Variants in MEGF6 observed in about 807,000 individuals in gnomAD.
MEGF6 encodes the protein multiple epidermal growth factor-like domains protein 6.
Under a neutral mutation model 207.1 loss-of-function variants are expected in MEGF6, and 184 were observed. The observed-to-expected ratio is 0.89, with a 90% CI of 0.79 to 1.00. MEGF6 has a LOEUF of 1.00. Ranked by LOEUF, MEGF6 falls within the 50% of genes least tolerant of loss-of-function variation. The pLI is 0.00. For missense variants in MEGF6, 2,282 were observed against 2,202.9 expected (o/e 1.04, Z -0.72); for synonymous variants, 1,038 against 910.0 (o/e 1.14, Z -2.53).
intron 4 of MEGF6, among the ~76,000 whole-genome samples, chr1:3,536,805 T>C (rs1247879413): frequency 6.6e-6 from 1 of 152,182 alleles, no homozygotes; most frequent in Non-Finnish European, 1.5e-5. Flanking sequence ...CCCCCAAATG[T>C]CACTGCTCCC....
At chr1:3,567,196 C>A (rs147188801) in intron 4 of MEGF6, among the ~76,000 whole-genome samples, 1 of 152,198 alleles carries the variant, frequency 6.6e-6, no homozygotes, top group Non-Finnish European at 1.5e-5. Flanking sequence ...CCGGGCCACA[C>A]GGCGAAGACA....
chr1:3,592,826 CA>C (rs148310063), intron 3 of MEGF6, among the ~76,000 whole-genome samples: 2,517 of 152,338 alleles, frequency 0.017, 61 homozygotes, highest in South Asian at 0.091. Flanking sequence ...TACAAACAAG[CA>C]AATCTTGCGC....
Position 3,490,932 on chromosome 1 carries a change from G to C in MEGF6, c.4544C>G (p.Pro1515Arg). 9 of 1,600,722 alleles carry C rather than the reference G, an allele frequency of 5.6e-6. No individual in the cohort carries two copies. The highest frequency in any genetic ancestry group is 7.7e-6 in the Non-Finnish European group (9 of 1,175,288). The change falls in exon 36 of 37, where the codon CCG becomes CGG. Residue 1515 changes from proline (P) to arginine (R), a missense_variant. Transcript: ENST00000356575. ...EGGPLRLPEN[P>R]SLAQGSAGTL... The stretch of plus-strand genomic sequence containing the variant: ...CTTACCTGAGCCCTGGGCTAAGGAC[G>C]GGTTCTCGGGGAGCCGGAGGGGCCC...
intron 3 of MEGF6, among the ~76,000 whole-genome samples, chr1:3,581,680 C>A (rs1043769717): frequency 1.3e-5 from 2 of 152,182 alleles, no homozygotes; most frequent in Admixed American, 1.3e-4. Flanking sequence ...AGACCAATCA[C>A]CCCCGGGTGG....
At chr1:3,579,972 G>A (rs767538599) in intron 3 of MEGF6, 43 bp from the exon 4 acceptor site, 17 of 1,400,000 alleles carry the variant, frequency 1.2e-5, no homozygotes, top group Middle Eastern at 1.9e-4. Flanking sequence ...GCAAGGAGGG[G>A]TGAGGCAGGG....
At position 3,560,557 on chromosome 1, in the gene MEGF6, C is replaced by T; in HGVS notation, c.481+19268G>A. 1 of 349,814 alleles carries T rather than the reference C, an allele frequency of 2.9e-6. No homozygotes were observed. Among genetic ancestry groups the T allele is most frequent in the South Asian group, 2.2e-5 (1 of 45,182 alleles). 21.7% of individuals were successfully genotyped at this position (349,814 alleles called of 1,614,324 possible). Reference sequence around the variant, plus strand: ...GCCTTGGACTGCTGTCCTCACTCAGCAACTTGCATTGAGGGGCTGAGAGGC... The same window carrying T: ...GCCTTGGACTGCTGTCCTCACTCAGTAACTTGCATTGAGGGGCTGAGAGGC... On this transcript the variant is annotated intron_variant, in intron 4 of 36. Transcript: ENST00000356575. The surrounding 1 kb of genome is among the most constrained non-coding windows in gnomAD (Gnocchi z 4.0).
Position 3,566,654 on chromosome 1 carries a change from C to T in MEGF6, c.481+13171G>A, listed in dbSNP as rs560835188. On this transcript the variant is annotated intron_variant, in intron 4 of 36. Coordinates refer to ENST00000356575, the MANE Select transcript of MEGF6 (RefSeq NM_001409.4). ...GGCCCTTCCCCCAACGCACTTCACGCTATGAGCCCCCCGGCGCCCCATCAA... is the reference window on the plus strand; with the variant it reads ...GGCCCTTCCCCCAACGCACTTCACGTTATGAGCCCCCCGGCGCCCCATCAA... 2.3e-3 allele frequency among the ~76,000 whole-genome samples: 355 copies of T among 152,298 alleles called. 2 individuals carry two copies. The highest frequency in any genetic ancestry group is 8.2e-3 in the African/African-American group (340 of 41,564).
chr1:3,507,667 A>G, intron 14 of MEGF6, 128 bp downstream of exon 14: 3 of 1,250,296 alleles, frequency 2.4e-6, no homozygotes, highest in East Asian at 4.7e-5. Flanking sequence ...GAGTCTAGGA[A>G]AAGTTTGGTA....
Position 3,514,637 on chromosome 1 carries a change from T to C in MEGF6, c.766A>G (p.Met256Val), listed in dbSNP as rs1294835682. Residue 256 changes from methionine (M) to valine (V), a missense_variant, in exon 7 of 37, where the codon ATG (methionine) becomes GTG (valine). Met to Val is a conservative substitution (Grantham distance 21). Coordinates refer to ENST00000356575, the MANE Select transcript of MEGF6 (RefSeq NM_001409.4). ...SPCANRNGSC[M>V]HRCQVVRGLA... ...CCCCGGACCACCTGGCACCTGTGCATGCAGCTGCCGTTCCTGTTGGCACAC... is the reference window on the plus strand; with the variant it reads ...CCCCGGACCACCTGGCACCTGTGCACGCAGCTGCCGTTCCTGTTGGCACAC... The C allele has an allele frequency of 6.3e-7, 1 of 1,582,124 alleles. No individual in the cohort carries two copies. Among genetic ancestry groups the C allele is most frequent in the African/African-American group, 1.3e-5 (1 of 74,580 alleles).
chr1:3,553,742 G>A lies in MEGF6; in HGVS notation c.481+26083C>T, dbSNP rs576956954. ...GAGTCCACCACGAGTGGCTCCAGAG[G>A]AGAGGCAGGGCAGCGGCAGGCATCG... On this transcript the variant is annotated intron_variant, in intron 4 of 36. Coordinates refer to ENST00000356575, the MANE Select transcript of MEGF6 (RefSeq NM_001409.4). Among the ~76,000 whole-genome samples the A allele has an allele frequency of 1.0e-3, 153 of 152,334 alleles. 5 individuals are homozygous for A. In the South Asian group the frequency reaches 0.031, roughly 31 times the overall value.
rs1051633261 is a variant in MEGF6 at position 3,554,309 on chromosome 1, G to A, written c.481+25516C>T. Among the ~76,000 whole-genome samples, 6 of 152,202 alleles carry A rather than the reference G, an allele frequency of 3.9e-5. No homozygotes were observed. In the East Asian group the frequency reaches 5.8e-4, roughly 15 times the overall value. The stretch of plus-strand genomic sequence containing the variant: ...GACCAGGCGGCTCCGAGAGAGTGTC[G>A]CTGGGGGATGGCAGGAACACTGGAA... On this transcript the variant is annotated intron_variant, in intron 4 of 36. Coordinates refer to ENST00000356575, the MANE Select transcript of MEGF6 (RefSeq NM_001409.4).
intron 1 of MEGF6, among the ~76,000 whole-genome samples, chr1:3,609,830 T>C (rs1644301233): frequency 6.6e-6 from 1 of 152,136 alleles, no homozygotes; most frequent in Non-Finnish European, 1.5e-5. Flanking sequence ...GTTTCCACAG[T>C]GCACTGGTGG....
chr1:3,523,907 C>G (rs1457038324), intron 5 of MEGF6, among the ~76,000 whole-genome samples: 1 of 152,230 alleles, frequency 6.6e-6, no homozygotes, highest in African/African-American at 2.4e-5. Context: ...TCCTGGGGAC[C>G]TGGCAACTTG....
chr1:3,498,233 G>T lies in MEGF6; in HGVS notation c.3352+138C>A, dbSNP rs1220163548. ...CCCAACAGGGTCTTAGTGCTCCGAC[G>T]GCAGCTCTTGCATTCACAGGACAAC... On this transcript the variant is annotated intron_variant, in intron 26 of 36. Transcript: ENST00000356575. 11 of 1,126,544 alleles carry T rather than the reference G, an allele frequency of 9.8e-6. No individual in the cohort carries two copies. In the East Asian group the frequency reaches 2.7e-4, roughly 27 times the overall value. 69.8% of individuals were successfully genotyped at this position (1,126,544 alleles called of 1,614,324 possible).
At chr1:3,543,165 C>G (rs943809779) in intron 4 of MEGF6, among the ~76,000 whole-genome samples, 2 of 152,220 alleles carry the variant, frequency 1.3e-5, no homozygotes, top group Non-Finnish European at 2.9e-5. Flanking sequence ...CCTGGAGACG[C>G]TCCCAGGGCC....
intron 4 of MEGF6, chr1:3,531,075 C>A: frequency 6.6e-7 from 1 of 1,518,566 alleles, no homozygotes. Context: ...TCGCCCGGCG[C>A]CCACCTGGCC....
chr1:3,573,942 G>C lies in MEGF6; in HGVS notation c.481+5883C>G, dbSNP rs1643576827. Reference sequence around the variant, plus strand: ...AACGCCAAGGGCTAAACGGGCTCAGGACACCACCCAGTCCTAGCCACCCAA... The same window carrying C: ...AACGCCAAGGGCTAAACGGGCTCAGCACACCACCCAGTCCTAGCCACCCAA... On this transcript the variant is annotated intron_variant, in intron 4 of 36. Coordinates refer to ENST00000356575, the MANE Select transcript of MEGF6 (RefSeq NM_001409.4). This position sits in a 1 kb window ranked among gnomAD's most constrained non-coding sequence, Gnocchi z 5.1. 1.3e-5 allele frequency among the ~76,000 whole-genome samples: 2 copies of C among 152,102 alleles called. No homozygotes were observed. Among genetic ancestry groups the C allele is most frequent in the African/African-American group, 4.8e-5 (2 of 41,418 alleles).
chr1:3,510,760 T>A, intron 10 of MEGF6, 23 bp downstream of exon 10: 9 of 1,587,182 alleles, frequency 5.7e-6, no homozygotes, highest in Non-Finnish European at 7.8e-6. Flanking sequence ...ACCCCAGCTG[T>A]GCAGTGGCAG....
chr1:3,505,992 G>T, intron 15 of MEGF6, 116 bp downstream of exon 15: 1 of 1,370,724 alleles, frequency 7.3e-7, no homozygotes, highest in Non-Finnish European at 9.8e-7. Flanking sequence ...CCCAGTGGGT[G>T]ACCTGGCTGG....
Sources: allele counts gnomAD v4.1 joint callset (sites outside exome capture counted in the v4.1 genomes callset), GRCh38; gene constraint gnomAD v4.1.1; non-coding constraint Gnocchi (gnomAD v3.1); transcripts MANE v1.5; gene names NCBI Gene and HGNC (gene_info 2026-07-23, HGNC 2026-07-21).